The following NRXN1 variants were observed in gnomAD, a reference collection of about 807,000 sequenced individuals.
The protein encoded by NRXN1 is neurexin-1.
A neutral mutation model predicts 150.9 loss-of-function variants in NRXN1; 39 were observed. That is an observed-to-expected ratio of 0.26 (90% CI 0.20 to 0.34). NRXN1 has a LOEUF of 0.34. Ranked by LOEUF, NRXN1 falls within the 10% of genes least tolerant of loss-of-function variation. The pLI, the probability that NRXN1 is intolerant of heterozygous loss-of-function variation, is 1.00. For missense variants in NRXN1, 1,815 were observed against 1,949.9 expected (o/e 0.93, Z 1.30); for synonymous variants, 924 against 757.0 (o/e 1.22, Z -3.62).
intron 5 of NRXN1, among the ~76,000 whole-genome samples, chr2:50,812,905 T>C (rs1199996514): frequency 1.3e-5 from 2 of 152,098 alleles, no homozygotes; most frequent in Non-Finnish European, 2.9e-5. Context: ...GTTTGATACT[T>C]TTGTAATCTC....
intron 21 of NRXN1, among the ~76,000 whole-genome samples, chr2:50,033,748 C>T (rs1689545467): frequency 6.6e-6 from 1 of 151,724 alleles, no homozygotes; most frequent in African/African-American, 2.4e-5. Flanking sequence ...GTCTAATGTC[C>T]ACCATCTATA....
At chr2:50,278,393 C>T (rs932382650) in intron 17 of NRXN1, among the ~76,000 whole-genome samples, 7 of 146,002 alleles carry the variant, frequency 4.8e-5, no homozygotes, top group Non-Finnish European at 1.0e-4. Context: ...CTCAAGTGCT[C>T]CGCCCCCCTT....
intron 5 of NRXN1, among the ~76,000 whole-genome samples, chr2:50,753,355 G>C (rs1282540980): frequency 6.6e-6 from 1 of 151,906 alleles, no homozygotes; most frequent in Non-Finnish European, 1.5e-5. Flanking sequence ...AAGTAGATGT[G>C]TTGAGCATGT....
intron 5 of NRXN1, among the ~76,000 whole-genome samples, chr2:50,895,662 C>A (rs1681826250): frequency 1.3e-5 from 2 of 151,090 alleles, no homozygotes; most frequent in South Asian, 2.1e-4. Context: ...CTGACTGCAA[C>A]CTTTGCCTCC....
chr2:50,075,807 A>AAC (rs368641621), intron 19 of NRXN1, among the ~76,000 whole-genome samples: 2 of 151,300 alleles, frequency 1.3e-5, no homozygotes, highest in African/African-American at 4.9e-5. Flanking sequence ...GAAAAAAAAA[A>AAC]CAGCTCTACT....
intron 2 of NRXN1, among the ~76,000 whole-genome samples, chr2:50,944,122 C>T (rs993323320): frequency 6.6e-6 from 1 of 152,030 alleles, no homozygotes. Context: ...TTTCACTTGG[C>T]TAAAACAGTA....
intron 17 of NRXN1, among the ~76,000 whole-genome samples, chr2:50,391,408 C>A (rs931084046): frequency 6.6e-6 from 1 of 151,916 alleles, no homozygotes; most frequent in Admixed American, 6.6e-5. Context: ...TTGGTTATAA[C>A]TAAACCTAAT....
At chr2:50,818,863 G>C (rs557261039) in intron 5 of NRXN1, among the ~76,000 whole-genome samples, 13 of 152,192 alleles carry the variant, frequency 8.5e-5, no homozygotes, top group African/African-American at 3.1e-4. Flanking sequence ...AACTTGTTTA[G>C]ACATTTGTTC....
chr2:50,430,774 G>C (rs907817111), intron 17 of NRXN1, among the ~76,000 whole-genome samples: 1 of 152,186 alleles, frequency 6.6e-6, no homozygotes, highest in Non-Finnish European at 1.5e-5. Context: ...ATGACTACAA[G>C]TCAGGGTATC....
intron 2 of NRXN1, among the ~76,000 whole-genome samples, chr2:51,008,846 G>A (rs547383478): frequency 6.6e-6 from 1 of 151,664 alleles, no homozygotes; most frequent in Non-Finnish European, 1.5e-5. Context: ...TTAATTTCGT[G>A]ATAATATTAA....
chr2:50,156,914 T>C (rs1189868930), intron 18 of NRXN1, among the ~76,000 whole-genome samples: 1 of 152,060 alleles, frequency 6.6e-6, no homozygotes, highest in African/African-American at 2.4e-5. Context: ...GTCTCTTATG[T>C]ACCACACAAA....
intron 17 of NRXN1, among the ~76,000 whole-genome samples, chr2:50,442,692 A>G (rs2086067223): frequency 6.6e-6 from 1 of 152,154 alleles, no homozygotes; most frequent in African/African-American, 2.4e-5. Flanking sequence ...GATAGTATTT[A>G]AGGGCATGAG....
chr2:50,409,979 G>T (rs1468974048), intron 17 of NRXN1, among the ~76,000 whole-genome samples: 1 of 152,110 alleles, frequency 6.6e-6, no homozygotes, highest in Non-Finnish European at 1.5e-5. Context: ...GGCTTTAAAT[G>T]TCTCTCTGAT....
intron 5 of NRXN1, among the ~76,000 whole-genome samples, chr2:50,714,235 C>A (rs1695567716): frequency 6.6e-6 from 1 of 152,088 alleles, no homozygotes; most frequent in Non-Finnish European, 1.5e-5. Flanking sequence ...CTTGGCTATA[C>A]AATTTGCACT....
chr2:50,227,420 G>A (rs1209288535), intron 18 of NRXN1, among the ~76,000 whole-genome samples: 4 of 152,012 alleles, frequency 2.6e-5, no homozygotes, highest in East Asian at 1.9e-4. Context: ...GGTGAGAGGT[G>A]GAAACACACC....
chr2:50,713,454 T>A (rs1398074119), intron 5 of NRXN1, among the ~76,000 whole-genome samples: 1 of 152,160 alleles, frequency 6.6e-6, no homozygotes, highest in African/African-American at 2.4e-5. Context: ...CAAAAGAGCC[T>A]AGATCTGGCA....
chr2:50,267,560 G>C (rs1362399102), intron 17 of NRXN1, among the ~76,000 whole-genome samples: 2 of 151,956 alleles, frequency 1.3e-5, no homozygotes, highest in Admixed American at 6.6e-5. Flanking sequence ...GCATTCTTTG[G>C]GGAGCAAATG....
At chr2:50,424,333 G>GGAGGAGGAGGAGGAGGAGGGC (rs1342562135) in intron 17 of NRXN1, among the ~76,000 whole-genome samples, 1 of 142,458 alleles carries the variant, frequency 7.0e-6, no homozygotes, top group East Asian at 2.3e-4. Context: ...AGGAGGAGGG[G>GGAGGAGGAGGAGGAGGAGGGC]GAGGAGGAGG....
In NRXN1 at chr2:51,027,943, C is replaced by G; in HGVS notation, c.331G>C (p.Asp111His). ...ATGCGCACGCTGTGCCAGGCGCCGT[C>G]GTTAACCGGCGTGTCGGCCAGGAGC... ...ATLLADTPVN[D>H]GAWHSVRIRR... is the part of the protein sequence containing the mutation. Residue 111 changes from aspartate (D) to histidine (H), a missense_variant, in exon 2 of 23, where the codon GAC becomes CAC. Coordinates refer to ENST00000401669, the MANE Select transcript of NRXN1 (RefSeq NM_001330078.2). The G allele has an allele frequency of 6.2e-7, 1 of 1,603,740 alleles. No individual in the cohort carries two copies.
Sources: allele counts gnomAD v4.1 joint callset (sites outside exome capture counted in the v4.1 genomes callset), GRCh38; gene constraint gnomAD v4.1.1; transcripts MANE v1.5; gene names NCBI Gene and HGNC (gene_info 2026-07-23, HGNC 2026-07-21).